ATP8B4: variants seen among roughly 807,000 people sequenced by gnomAD.
ATP8B4 encodes the protein probable phospholipid-transporting ATPase IM.
A neutral mutation model predicts 145.6 loss-of-function variants in ATP8B4; 133 were observed. The observed-to-expected ratio is 0.91, with a 90% CI of 0.79 to 1.05. The LOEUF is 1.05. Ranked by LOEUF, ATP8B4 falls within the 50% of genes least tolerant of loss-of-function variation. The pLI, the probability that ATP8B4 is intolerant of heterozygous loss-of-function variation, is 0.00. For synonymous variants in ATP8B4, 507 were observed against 492.9 expected (o/e 1.03, Z -0.38); for missense variants, 1,458 against 1,425.2 (o/e 1.02, Z -0.37).
chr15:50,165,206 C>T (rs185727170), intron 1 of ATP8B4, among the ~76,000 whole-genome samples: 152 of 152,194 alleles, frequency 1.0e-3, no homozygotes, highest in African/African-American at 3.6e-3. Flanking sequence ...CCCACCACCA[C>T]AGCCCCCAGC....
chr15:50,147,173 G>C (rs1047320110), intron 1 of ATP8B4, among the ~76,000 whole-genome samples: 3 of 151,998 alleles, frequency 2.0e-5, no homozygotes, highest in Non-Finnish European at 4.4e-5. Flanking sequence ...CCCAGCACTT[G>C]GGGAGGTCAA....
chr15:49,923,474 T>C lies in ATP8B4; in HGVS notation c.1663A>G (p.Ile555Val), dbSNP rs1566999062. Residue 555 changes from isoleucine to valine, a missense_variant, in exon 17 of 28, where the codon ATA becomes GTA. Transcript: ENST00000284509. ...SVIVRNPEGQ[I>V]KLYSKGADTI... ...TCTGCTCCTTTGGAATAAAGCTTTATCTGTCCTTCTGGGTTTCGAACTGAA... is the reference window on the plus strand; with the variant it reads ...TCTGCTCCTTTGGAATAAAGCTTTACCTGTCCTTCTGGGTTTCGAACTGAA... The C allele has an allele frequency of 1.1e-5, 17 of 1,606,992 alleles. No individual in the cohort carries two copies. Among genetic ancestry groups the C allele is most frequent in the Non-Finnish European group, 1.4e-5 (17 of 1,177,684 alleles).
chr15:49,898,390 A>C, intron 21 of ATP8B4, 139 bp from the exon 22 acceptor site: 1 of 924,238 alleles, frequency 1.1e-6, no homozygotes, highest in Non-Finnish European at 1.6e-6. Context: ...GTCATTGTTG[A>C]TTCAGAATCA....
intron 25 of ATP8B4, among the ~76,000 whole-genome samples, chr15:49,875,813 G>A (rs2034322140): frequency 6.6e-6 from 1 of 152,226 alleles, no homozygotes; most frequent in African/African-American, 2.4e-5. Flanking sequence ...GCTCCTCTGA[G>A]TGTGAGATTC....
intron 1 of ATP8B4, among the ~76,000 whole-genome samples, chr15:50,118,207 TAGC>T (rs1434599330): frequency 6.6e-6 from 1 of 152,224 alleles, no homozygotes; most frequent in African/African-American, 2.4e-5. Context: ...TCAAAATAGC[TAGC>T]AGATTTGGAA....
chr15:50,079,330 A>T (rs1675493946), intron 2 of ATP8B4, among the ~76,000 whole-genome samples: 1 of 152,234 alleles, frequency 6.6e-6, no homozygotes, highest in Admixed American at 6.5e-5. Flanking sequence ...GAAGAATGAT[A>T]ATCAACCAGA....
At chr15:49,897,173 G>T in intron 23 of ATP8B4, 119 bp downstream of exon 23, 1 of 925,232 alleles carries the variant, frequency 1.1e-6, no homozygotes, top group Non-Finnish European at 1.6e-6. Context: ...ACTATTACTT[G>T]AATCAGCCAT....
intron 18 of ATP8B4, 39 bp from the exon 19 acceptor site, chr15:49,918,989 G>T: frequency 2.2e-6 from 3 of 1,392,204 alleles, no homozygotes; most frequent in Non-Finnish European, 2.0e-6. Flanking sequence ...GTTAATGCAT[G>T]CAAACAATAT....
intron 1 of ATP8B4, among the ~76,000 whole-genome samples, chr15:50,108,611 C>T (rs1222159255): frequency 2.0e-5 from 3 of 152,130 alleles, no homozygotes; most frequent in Non-Finnish European, 4.4e-5. Flanking sequence ...CTGCCTGTAG[C>T]CATCTGTCTC....
chr15:50,160,397 T>G (rs1351886910), intron 1 of ATP8B4, among the ~76,000 whole-genome samples: 1 of 152,030 alleles, frequency 6.6e-6, no homozygotes, highest in African/African-American at 2.4e-5. Context: ...GGTCTGATCT[T>G]TATTATTTCT....
chr15:50,027,459 T>C (rs961945114), intron 6 of ATP8B4, among the ~76,000 whole-genome samples: 12 of 151,942 alleles, frequency 7.9e-5, no homozygotes, highest in Admixed American at 2.0e-4. Context: ...AAAACCTCTA[T>C]CATATCCCTG....
chr15:50,026,806 C>T (rs1469702489), intron 6 of ATP8B4, among the ~76,000 whole-genome samples: 1 of 152,144 alleles, frequency 6.6e-6, no homozygotes, highest in East Asian at 1.9e-4. Context: ...GAGGTTCTCA[C>T]TGCTGTGTTG....
chr15:50,047,440 AT>A lies in ATP8B4; in HGVS notation c.111del (p.Lys37AsnfsTer28), dbSNP rs2051809773. The A allele has an allele frequency of 1.3e-6, 2 of 1,586,672 alleles. No homozygotes were observed. Among genetic ancestry groups the A allele is most frequent in the East Asian group, 2.2e-5 (1 of 44,706 alleles). Reference sequence around the variant, plus strand: ...ATTGGCAAGAAGGTGAGAATATTATATTTCGATGTGTGGATACGATTATCCT... The same window carrying A: ...ATTGGCAAGAAGGTGAGAATATTATATTCGATGTGTGGATACGATTATCCT... ...QYADNRIHTS[K>X]YNILTFLPIN... On this transcript the variant is annotated frameshift_variant, in exon 4 of 28. Coordinates refer to ENST00000284509, the MANE Select transcript of ATP8B4 (RefSeq NM_024837.4). LOFTEE classifies it high-confidence loss of function.
At chr15:49,994,388 G>A (rs1038089190) in intron 9 of ATP8B4, among the ~76,000 whole-genome samples, 15 of 152,046 alleles carry the variant, frequency 9.9e-5, no homozygotes, top group African/African-American at 3.4e-4. Context: ...GGGCCCTGAC[G>A]CTAGTCTTCC....
chr15:50,069,836 G>C (rs2053612694), intron 3 of ATP8B4, among the ~76,000 whole-genome samples: 1 of 152,134 alleles, frequency 6.6e-6, no homozygotes, highest in South Asian at 2.1e-4. Flanking sequence ...GCATGACTTA[G>C]ACAAGTTACT....
At chr15:49,997,727 C>T (rs997390161) in intron 8 of ATP8B4, among the ~76,000 whole-genome samples, 7 of 152,090 alleles carry the variant, frequency 4.6e-5, no homozygotes, top group African/African-American at 1.2e-4. Context: ...CCAATCTTAA[C>T]CTTCCGTAAA....
At chr15:50,045,123 C>G (rs1055314751) in intron 4 of ATP8B4, among the ~76,000 whole-genome samples, 3 of 152,158 alleles carry the variant, frequency 2.0e-5, no homozygotes, top group Admixed American at 6.5e-5. Context: ...ATCATTTAAT[C>G]CTCGGAAAAG....
chr15:50,057,858 T>C (rs1339680248), intron 3 of ATP8B4, among the ~76,000 whole-genome samples: 1 of 152,222 alleles, frequency 6.6e-6, no homozygotes, highest in African/African-American at 2.4e-5. Context: ...GGGAACAAAT[T>C]AAATTTCCCT....
Position 49,901,251 on chromosome 15 carries a change from G to A in ATP8B4, c.2142-12C>T, listed in dbSNP as rs756175725. Reference sequence around the variant, plus strand: ...TTTGTTTTGCTTTCCTTAAAGGAGAGGGTGAAAAGTGAAACATAACAAAGC... The same window carrying A: ...TTTGTTTTGCTTTCCTTAAAGGAGAAGGTGAAAAGTGAAACATAACAAAGC... On this transcript the variant is annotated splice_polypyrimidine_tract_variant and intron_variant, in intron 20 of 27. Transcript: ENST00000284509. 4 of 1,611,268 alleles carry A rather than the reference G, an allele frequency of 2.5e-6. No homozygotes were observed. The highest frequency in any genetic ancestry group is 2.2e-5 in the South Asian group (2 of 90,872).
Sources: allele counts gnomAD v4.1 joint callset (sites outside exome capture counted in the v4.1 genomes callset), GRCh38; gene constraint gnomAD v4.1.1; transcripts MANE v1.5; gene names NCBI Gene and HGNC (gene_info 2026-07-23, HGNC 2026-07-21).